The following CHST12 variants were observed in gnomAD, a reference collection of about 807,000 sequenced individuals.
The protein encoded by CHST12 is carbohydrate (chondroitin 4) sulfotransferase 12.
A neutral mutation model predicts 27.9 loss-of-function variants in CHST12; 23 were observed. That is an observed-to-expected ratio of 0.82 (90% confidence interval 0.59 to 1.17). CHST12 has a LOEUF of 1.17. Among genes scored for constraint, CHST12 ranks in the 50% most tolerant of loss-of-function variants. The probability of loss-of-function intolerance (pLI) is 0.00; values close to 1 mark genes in which losing one functional copy is unlikely to be tolerated. For synonymous variants in CHST12, 322 were observed against 273.0 expected (o/e 1.18, Z -1.77); for missense variants, 682 against 603.0 (o/e 1.13, Z -1.37).
chr7:2,434,872 G>C lies in CHST12; in HGVS notation c.*988G>C, dbSNP rs1307942674. ...GGAGGCTGAGGGGGGAAGATCACTT[G>C]AGCCCAGGAGTTCAAGACCAGCTTG... On this transcript the variant is annotated 3_prime_UTR_variant, in exon 2 of 2. Coordinates refer to ENST00000618655, the MANE Select transcript of CHST12 (RefSeq NM_018641.5). 2 of 152,286 alleles carry C rather than the reference G, an allele frequency of 1.3e-5. No individual in the cohort carries two copies. Among genetic ancestry groups the C allele is most frequent in the Admixed American group, 1.3e-4 (2 of 15,254 alleles). The allele number at this position is 152,286 out of a possible 1,614,324, so 9.4% of individuals were successfully genotyped here.
chr7:2,426,304 C>G lies in CHST12; in HGVS notation c.-77-6259C>G, dbSNP rs181302197. On this transcript the variant is annotated intron_variant, in intron 1 of 1. Transcript: ENST00000618655. The stretch of plus-strand genomic sequence containing the variant: ...GCTGATGTGATGGGGGCCTCTGAGC[C>G]TGAGATTCACTCGGTATTGACTGCA... 1.5e-3 allele frequency among the ~76,000 whole-genome samples: 225 copies of G among 152,306 alleles called. 1 individual carries two copies. Among genetic ancestry groups the G allele is most frequent in the Non-Finnish European group, 2.3e-3 (154 of 68,028 alleles).
rs996939398 is a variant in CHST12 at position 2,403,628 on chromosome 7, G to GGCGGCT, written c.-118_-113dup. The stretch of plus-strand genomic sequence containing the variant: ...GGTCCGCTAGTCGCGGGGCGGCGGC[G>GGCGGCT]GCGGCTGCGGGCGCGAGGTGAGGGG... On this transcript the variant is annotated 5_prime_UTR_variant, in exon 1 of 2. Transcript: ENST00000618655. 6.6e-6 allele frequency: 1 copy of GGCGGCT among 152,126 alleles called. No homozygotes were observed. The highest frequency in any genetic ancestry group is 1.5e-5 in the Non-Finnish European group (1 of 68,568). 9.4% of individuals were successfully genotyped at this position (152,126 alleles called of 1,614,324 possible).
chr7:2,404,272 G>C (rs1479225992), intron 1 of CHST12: 1 of 152,330 alleles, frequency 6.6e-6, no homozygotes, highest in African/African-American at 2.4e-5. Flanking sequence ...CTCTGGGAGA[G>C]GAAACCGTGC....
chr7:2,406,552 G>A, intron 1 of CHST12, among the ~76,000 whole-genome samples: 1 of 151,910 alleles, frequency 6.6e-6, no homozygotes, highest in Non-Finnish European at 1.5e-5. Flanking sequence ...GCTGAACAGG[G>A]CACAGGAGGA....
rs1160717833 is a variant in CHST12 at position 2,434,480 on chromosome 7, T to C, written c.*596T>C. 2 of 162,576 alleles carry C rather than the reference T, an allele frequency of 1.2e-5. No individual in the cohort carries two copies. The highest frequency in any genetic ancestry group is 5.0e-5 in the African/African-American group (2 of 39,626). The allele number at this position is 162,576 out of a possible 1,614,324, so 10.1% of individuals were successfully genotyped here. A position where few individuals can be genotyped will look rare whatever the true frequency, so the allele number is the denominator to read the frequency against. On this transcript the variant is annotated 3_prime_UTR_variant, in exon 2 of 2. Coordinates refer to ENST00000618655, the MANE Select transcript of CHST12 (RefSeq NM_018641.5). ...TGGCTGTTAAGGCCGGGCGGGTGAC[T>C]CAGGCAGGTAATCCCAGAACTTTGG...
intron 1 of CHST12, among the ~76,000 whole-genome samples, chr7:2,404,824 T>C (rs1781480754): frequency 6.6e-6 from 1 of 152,274 alleles, no homozygotes; most frequent in Admixed American, 6.5e-5. Flanking sequence ...AGTAACTGTC[T>C]GCTGTCACTC....
chr7:2,407,986 TGA>T (rs1240177438), intron 1 of CHST12, among the ~76,000 whole-genome samples: 1 of 152,022 alleles, frequency 6.6e-6, no homozygotes, highest in African/African-American at 2.4e-5. Context: ...TGAGAGAGGC[TGA>T]GTTTCAGATA....
At chr7:2,426,763 G>C (rs1278148468) in intron 1 of CHST12, among the ~76,000 whole-genome samples, 1 of 152,112 alleles carries the variant, frequency 6.6e-6, no homozygotes, top group Admixed American at 6.6e-5. Flanking sequence ...GGCCGAGGAA[G>C]GTGGATCACT....
chr7:2,420,105 C>A (rs1030554179), intron 1 of CHST12, among the ~76,000 whole-genome samples: 1 of 149,672 alleles, frequency 6.7e-6, no homozygotes, highest in Non-Finnish European at 1.5e-5. Context: ...TCCAGAGTAG[C>A]TGAGACTACA....
rs1166526965 is a variant in CHST12, at chr7:2,437,748, AC to A, written c.*3865del. ...CACACGCGCGCACACACACACACAC[AC>A]ACACACTCTCTCTCACACACACATC... On this transcript the variant is annotated 3_prime_UTR_variant, in exon 2 of 2. Coordinates refer to ENST00000618655, the MANE Select transcript of CHST12 (RefSeq NM_018641.5). The A allele has an allele frequency of 7.2e-5, 11 of 152,096 alleles. No individual in the cohort carries two copies. Among genetic ancestry groups the A allele is most frequent in the African/African-American group, 2.4e-4 (10 of 41,418 alleles). The allele number at this position is 152,096 out of a possible 1,614,324, so 9.4% of individuals were successfully genotyped here.
rs981104753 is a variant in CHST12 at position 2,441,518 on chromosome 7, A to G, written c.*7634A>G. On this transcript the variant is annotated 3_prime_UTR_variant, in exon 2 of 2. Coordinates refer to ENST00000618655, the MANE Select transcript of CHST12 (RefSeq NM_018641.5). ...GACCAGTCTGGGCAACATAGTGGAA[A>G]CTTGTCTCTCCAAAAGCTAAAAGAA... is the stretch of plus-strand genomic sequence containing the variant. 6.6e-6 allele frequency: 1 copy of G among 151,944 alleles called. No homozygotes were observed. Among genetic ancestry groups the G allele is most frequent in the Non-Finnish European group, 1.5e-5 (1 of 68,014 alleles). 9.4% of individuals were successfully genotyped at this position (151,944 alleles called of 1,614,324 possible).
intron 1 of CHST12, among the ~76,000 whole-genome samples, chr7:2,424,147 A>T (rs1344943809): frequency 6.6e-6 from 1 of 152,182 alleles, no homozygotes; most frequent in African/African-American, 2.4e-5. Flanking sequence ...TGATCCCAGG[A>T]GTTCAAGAGC....
At chr7:2,419,302 G>A (rs1417507425) in intron 1 of CHST12, among the ~76,000 whole-genome samples, 2 of 150,044 alleles carry the variant, frequency 1.3e-5, no homozygotes, top group Admixed American at 6.7e-5. Flanking sequence ...CAGCTACTCA[G>A]GAGGCTGAGG....
At chr7:2,420,746 C>T (rs1214283059) in intron 1 of CHST12, among the ~76,000 whole-genome samples, 1 of 152,194 alleles carries the variant, frequency 6.6e-6, no homozygotes, top group African/African-American at 2.4e-5. Flanking sequence ...GATGGCACCA[C>T]TGCACCCCAG....
rs983351580 is a variant in CHST12, at chr7:2,444,990, C to G, written c.*11106C>G. ...TTCAATTGGTTCTCTTCCAACGTGT[C>G]TTCCTTCCAGTAGGTTTCCAGAATA... On this transcript the variant is annotated 3_prime_UTR_variant, in exon 2 of 2. Transcript: ENST00000618655. 1.3e-5 allele frequency: 2 copies of G among 152,198 alleles called. No individual in the cohort carries two copies. The highest frequency in any genetic ancestry group is 1.5e-5 in the Non-Finnish European group (1 of 68,034). 9.4% of individuals were successfully genotyped at this position (152,198 alleles called of 1,614,324 possible).
rs1782334358 is a variant in CHST12 at position 2,432,986 on chromosome 7, A to G, written c.347A>G (p.Asp116Gly). Residue 116 changes from aspartate (D) to glycine (G), a missense_variant, in exon 2 of 2, where the codon GAC (aspartate) becomes GGC (glycine). Transcript: ENST00000618655. ...WSPRDARRSP[D>G]QGRQQAERRS... ...CCGCGCGACGCCCGGCGCAGCCCAG[A>G]CCAGGGCCGGCAGCAGGCGGAGCGG... The G allele has an allele frequency of 6.2e-7, 1 of 1,610,204 alleles. No homozygotes were observed. Among genetic ancestry groups the G allele is most frequent in the South Asian group, 1.1e-5 (1 of 90,976 alleles).
Position 2,440,877 on chromosome 7 carries a change from C to G in CHST12, c.*6993C>G, listed in dbSNP as rs1446051115. The stretch of plus-strand genomic sequence containing the variant: ...TTTCTCCGGCCGTGTGAAGTTACCA[C>G]CTCGTGAGTGGTCATAAGTTAGCGT... On this transcript the variant is annotated 3_prime_UTR_variant, in exon 2 of 2. Coordinates refer to ENST00000618655, the MANE Select transcript of CHST12 (RefSeq NM_018641.5). 1 of 152,192 alleles carries G rather than the reference C, an allele frequency of 6.6e-6. No homozygotes were observed. Among genetic ancestry groups the G allele is most frequent in the African/African-American group, 2.4e-5 (1 of 41,426 alleles). 9.4% of individuals were successfully genotyped at this position (152,192 alleles called of 1,614,324 possible). A position where few individuals can be genotyped will look rare whatever the true frequency, so the allele number is the denominator to read the frequency against.
Position 2,434,075 on chromosome 7 carries a change from G to A in CHST12, c.*191G>A, listed in dbSNP as rs892598084. 3 of 501,174 alleles carry A rather than the reference G, an allele frequency of 6.0e-6. No individual in the cohort carries two copies. Among genetic ancestry groups the A allele is most frequent in the Non-Finnish European group, 1.1e-5 (3 of 283,824 alleles). The allele number at this position is 501,174 out of a possible 1,614,324, so 31.0% of individuals were successfully genotyped here. A position where few individuals can be genotyped will look rare whatever the true frequency, so the allele number is the denominator to read the frequency against. ...TTTAATACGAAATGTGGAAGGGAAT[G>A]CTGGAGTAAAATATCCCCTCTCCCC... On this transcript the variant is annotated 3_prime_UTR_variant, in exon 2 of 2. Transcript: ENST00000618655.
At chr7:2,432,059 G>C (rs995252353) in intron 1 of CHST12, among the ~76,000 whole-genome samples, 1 of 146,608 alleles carries the variant, frequency 6.8e-6, no homozygotes, top group Non-Finnish European at 1.5e-5. Flanking sequence ...GGAGAATGGC[G>C]TGAACCTGGG....
Sources: allele counts gnomAD v4.1 joint callset (sites outside exome capture counted in the v4.1 genomes callset), GRCh38; gene constraint gnomAD v4.1.1; transcripts MANE v1.5; gene names NCBI Gene and HGNC (gene_info 2026-07-23, HGNC 2026-07-21).